Variants in CRADD observed in about 807,000 individuals in gnomAD.
CRADD encodes death domain-containing protein CRADD.
CRADD carries 9 observed loss-of-function variants against 15.5 expected under a neutral mutation model. The observed-to-expected ratio is 0.58, with a 90% CI of 0.35 to 1.01. The LOEUF is 1.01. Among genes scored for constraint, CRADD ranks in the 50% least tolerant of loss-of-function variants. CRADD has a pLI of 0.02. For missense variants in CRADD, 227 were observed against 250.3 expected (o/e 0.91, Z 0.63); for synonymous variants, 118 against 107.6 (o/e 1.10, Z -0.60).
intron 2 of CRADD, among the ~76,000 whole-genome samples, chr12:93,883,187 G>A (rs1409939134): frequency 6.6e-6 from 1 of 152,146 alleles, no homozygotes; most frequent in East Asian, 1.9e-4. Context: ...AAATTAGAGG[G>A]CAGGTTTGAA....
intron 2 of CRADD, among the ~76,000 whole-genome samples, chr12:93,746,926 A>G (rs1424553796): frequency 6.6e-6 from 1 of 152,166 alleles, no homozygotes; most frequent in African/African-American, 2.4e-5. Context: ...CGCAGTGGAT[A>G]AATAAAAACT....
chr12:93,741,027 G>A (rs148933236), intron 2 of CRADD, among the ~76,000 whole-genome samples: 4 of 152,166 alleles, frequency 2.6e-5, no homozygotes, highest in African/African-American at 9.6e-5. Context: ...TTTCCTGAAG[G>A]CCAGCTATTA....
intron 2 of CRADD, among the ~76,000 whole-genome samples, chr12:93,866,609 C>T (rs947615348): frequency 6.6e-6 from 1 of 151,702 alleles, no homozygotes; most frequent in African/African-American, 2.4e-5. Flanking sequence ...TGATCATTGG[C>T]TGTTCATTTA....
chr12:93,764,590 A>G (rs1280626044), intron 2 of CRADD, among the ~76,000 whole-genome samples: 6 of 149,572 alleles, frequency 4.0e-5, no homozygotes, highest in Admixed American at 4.0e-4. Flanking sequence ...TTTCTTTTAC[A>G]TGTTTCATGG....
chr12:93,816,337 C>T (rs1381083088), intron 2 of CRADD, among the ~76,000 whole-genome samples: 4 of 151,316 alleles, frequency 2.6e-5, no homozygotes, highest in Non-Finnish European at 5.9e-5. Context: ...CTGCCTCAGC[C>T]TCCCAAGTAG....
At chr12:93,810,551 C>CAAAAAAAAAAAAAAAAAAAAAA (rs56689824) in intron 2 of CRADD, among the ~76,000 whole-genome samples, 1 of 39,068 alleles carries the variant, frequency 2.6e-5, no homozygotes, top group African/African-American at 9.2e-5. Flanking sequence ...AAATCAGTCT[C>CAAAAAAAAAAAAAAAAAAAAAA]AAAAAAAAAA....
chr12:93,800,789 T>G (rs1170183648), intron 2 of CRADD, among the ~76,000 whole-genome samples: 1 of 152,180 alleles, frequency 6.6e-6, no homozygotes, highest in Non-Finnish European at 1.5e-5. Flanking sequence ...AATCTGTTGA[T>G]TCAAATGCTA....
chr12:93,822,834 G>A (rs1006979901), intron 2 of CRADD, among the ~76,000 whole-genome samples: 2 of 152,148 alleles, frequency 1.3e-5, no homozygotes, highest in Non-Finnish European at 2.9e-5. Flanking sequence ...ATCAGCAAGA[G>A]AAATATTTTT....
At chr12:93,804,396 A>G (rs923201633) in intron 2 of CRADD, among the ~76,000 whole-genome samples, 1 of 152,152 alleles carries the variant, frequency 6.6e-6, no homozygotes, top group African/African-American at 2.4e-5. Context: ...GAATTGTATA[A>G]CCAGGTATAT....
intron 2 of CRADD, among the ~76,000 whole-genome samples, chr12:93,878,449 G>A (rs985156274): frequency 1.3e-5 from 2 of 152,114 alleles, no homozygotes; most frequent in African/African-American, 4.8e-5. Flanking sequence ...TGTAGCCTGG[G>A]GTAGGGTAGG....
intron 2 of CRADD, among the ~76,000 whole-genome samples, chr12:93,867,659 A>C (rs1958382171): frequency 6.6e-6 from 1 of 152,252 alleles, no homozygotes; most frequent in African/African-American, 2.4e-5. Flanking sequence ...AGATTGCAGT[A>C]AATTTCAAAA....
chr12:93,704,455 C>T (rs559073472), intron 2 of CRADD, among the ~76,000 whole-genome samples: 1 of 152,140 alleles, frequency 6.6e-6, no homozygotes, highest in Non-Finnish European at 1.5e-5. Context: ...AGGCATCATC[C>T]TTGTTTCCTT....
intron 2 of CRADD, among the ~76,000 whole-genome samples, chr12:93,800,931 T>A (rs1427915047): frequency 6.6e-6 from 1 of 152,052 alleles, no homozygotes; most frequent in East Asian, 1.9e-4. Flanking sequence ...GGCTGAATCA[T>A]TTATTCTGGA....
chr12:93,693,364 A>G (rs1195358544), intron 2 of CRADD, among the ~76,000 whole-genome samples: 2 of 152,122 alleles, frequency 1.3e-5, no homozygotes, highest in Admixed American at 1.3e-4. Flanking sequence ...TTCCTTTTTA[A>G]GAACACATAT....
intron 2 of CRADD, among the ~76,000 whole-genome samples, chr12:93,680,888 A>ATT (rs879875186): frequency 1.4e-5 from 2 of 144,892 alleles, no homozygotes; most frequent in Non-Finnish European, 3.0e-5. Context: ...GTATAATACC[A>ATT]TTTTTTTTTT....
intron 2 of CRADD, among the ~76,000 whole-genome samples, chr12:93,864,838 C>T (rs1437044452): frequency 6.6e-6 from 1 of 152,228 alleles, no homozygotes; most frequent in African/African-American, 2.4e-5. Context: ...AGTTATGTAA[C>T]TTCTCTGTGC....
chr12:93,773,937 G>A (rs1165408356), intron 2 of CRADD, among the ~76,000 whole-genome samples: 4 of 145,940 alleles, frequency 2.7e-5, no homozygotes, highest in South Asian at 2.2e-4. Flanking sequence ...GGGCTCAATC[G>A]ATCCTCCTTC....
chr12:93,834,131 C>A (rs1350942053), intron 2 of CRADD, among the ~76,000 whole-genome samples: 1 of 152,206 alleles, frequency 6.6e-6, no homozygotes, highest in Non-Finnish European at 1.5e-5. Flanking sequence ...ACAGCCCTTA[C>A]CCCCATGGGC....
chr12:93,869,050 C>T (rs1476339098), intron 2 of CRADD, among the ~76,000 whole-genome samples: 2 of 152,108 alleles, frequency 1.3e-5, no homozygotes, highest in Non-Finnish European at 2.9e-5. Context: ...CAGCAGCTGC[C>T]TAGTACTGGA....
Sources: gnomAD v4.1 joint callset for allele counts (sites outside exome capture counted in the v4.1 genomes callset) on GRCh38, gnomAD v4.1.1 for gene constraint, MANE v1.5 for transcripts, NCBI Gene and HGNC (gene_info 2026-07-23, HGNC 2026-07-21) for gene names.